The following LRRC8A variants were observed in gnomAD, a reference collection of about 807,000 sequenced individuals.
LRRC8A encodes the protein volume-regulated anion channel subunit LRRC8A.
A neutral mutation model predicts 52.5 loss-of-function variants in LRRC8A; 24 were observed. That is an observed-to-expected ratio of 0.46 (90% CI 0.33 to 0.64). The LOEUF is 0.64. Among genes scored for constraint, LRRC8A ranks in the 30% least tolerant of loss-of-function variants. The probability of loss-of-function intolerance (pLI) is 0.02; values close to 1 mark genes in which losing one functional copy is unlikely to be tolerated. For synonymous variants in LRRC8A, 492 were observed against 494.2 expected (o/e 1.00, Z 0.06); for missense variants, 677 against 1,094.7 (o/e 0.62, Z 5.38).
chr9:128,896,914 G>A (rs1369457613), intron 2 of LRRC8A, among the ~76,000 whole-genome samples: 1 of 151,930 alleles, frequency 6.6e-6, no homozygotes, highest in African/African-American at 2.4e-5. Flanking sequence ...AGTAGAGATG[G>A]GGTTTCAGCA....
In LRRC8A at chr9:128,916,637, G is replaced by C. The variant is rs1043030176; in HGVS notation, c.*266G>C. ...AAGAGCGCAGTATTTGGATAATCAG[G>C]GTCTCCTCCCTGGAGGCCAGCTCTG... is the stretch of plus-strand genomic sequence containing the variant. On this transcript the variant is annotated 3_prime_UTR_variant, in exon 4 of 4. Transcript: ENST00000372600. This position sits in a 1 kb window ranked among gnomAD's most constrained non-coding sequence, Gnocchi z 6.1. The C allele has an allele frequency of 2.2e-6, 1 of 447,030 alleles. No homozygotes were observed. The highest frequency in any genetic ancestry group is 4.0e-6 in the Non-Finnish European group (1 of 248,604). 27.7% of individuals were successfully genotyped at this position (447,030 alleles called of 1,614,324 possible).
Position 128,916,267 on chromosome 9 carries a change from C to T in LRRC8A, c.2329C>T (p.Pro777Ser), listed in dbSNP as rs1368883598. The change falls in exon 4 of 4, where the codon CCA becomes TCA. Residue 777 changes from proline (P) to serine (S), a missense_variant. Physicochemically the swap from Pro to Ser is moderately conservative, Grantham distance 74. Transcript: ENST00000372600. This position sits in a 1 kb window ranked among gnomAD's most constrained non-coding sequence, Gnocchi z 6.1. ...CCTGCCTGTGGAGCTGGGCGAGTGC[C>T]CACTGCTCAAGCGCAGCGGCTTGGT... is the stretch of plus-strand genomic sequence containing the variant. ...ECLPVELGEC[P>S]LLKRSGLVVE... 1.2e-6 allele frequency: 2 copies of T among 1,613,680 alleles called. No homozygotes were observed. The highest frequency in any genetic ancestry group is 1.7e-6 in the Non-Finnish European group (2 of 1,179,954).
At position 128,895,061 on chromosome 9, in the gene LRRC8A, T is replaced by C. The variant is rs572001619; in HGVS notation, c.-9+8940T>C. ...CTTCTGTTTTCTGTCTATTCACTTA[T>C]GTGAATAAGTGAAATCAAAGTATTT... On this transcript the variant is annotated intron_variant, in intron 2 of 3. Coordinates refer to ENST00000372600, the MANE Select transcript of LRRC8A (RefSeq NM_019594.4). Among the ~76,000 whole-genome samples the C allele has an allele frequency of 3.9e-5, 6 of 152,336 alleles. No individual in the cohort carries two copies. In the South Asian group the frequency reaches 1.0e-3, roughly 26 times the overall value.
Position 128,908,860 on chromosome 9 carries a change from G to A in LRRC8A, c.1696G>A (p.Gly566Ser). The A allele has an allele frequency of 1.2e-6, 2 of 1,613,774 alleles. No individual in the cohort carries two copies. The highest frequency in any genetic ancestry group is 1.7e-6 in the Non-Finnish European group (2 of 1,180,018). ...SKLPQVVTDV[G>S]VHLQKLSINN... ...GCTGCCACAGGTGGTCACAGATGTG[G>A]GCGTGCACCTGCAGAAGCTGTCCAT... The change falls in exon 3 of 4, where the codon GGC (glycine) becomes AGC (serine). Residue 566 changes from glycine to serine, a missense_variant. By Grantham distance (56) the Gly-to-Ser change is moderately conservative (BLOSUM62 0). Transcript: ENST00000372600.
intron 1 of LRRC8A, 80 bp downstream of exon 1, chr9:128,882,330 GGCCCGGGGC>G (rs950883644): frequency 6.9e-5 from 12 of 173,306 alleles, no homozygotes; most frequent in Admixed American, 2.5e-4. Flanking sequence ...CCAGCTGCCC[GGCCCGGGGC>G]GCCCGGGGCA....
At chr9:128,904,602 C>T (rs1033787790) in intron 2 of LRRC8A, among the ~76,000 whole-genome samples, 4 of 152,130 alleles carry the variant, frequency 2.6e-5, no homozygotes, top group Non-Finnish European at 4.4e-5. Context: ...AATGCCAACA[C>T]TTTGGGAGGC....
chr9:128,909,771 A>G (rs1196506672), intron 3 of LRRC8A, among the ~76,000 whole-genome samples: 1 of 152,204 alleles, frequency 6.6e-6, no homozygotes, highest in Non-Finnish European at 1.5e-5. Flanking sequence ...CTTGGAGGCA[A>G]GGAGCCAATC....
At chr9:128,898,485 G>T (rs576014223) in intron 2 of LRRC8A, among the ~76,000 whole-genome samples, 1 of 152,288 alleles carries the variant, frequency 6.6e-6, no homozygotes, top group African/African-American at 2.4e-5. Context: ...CTTAACTCTC[G>T]AATGCACTTT....
At chr9:128,915,984 G>C in intron 3 of LRRC8A, 112 bp from the exon 4 acceptor site, 2 of 1,304,784 alleles carry the variant, frequency 1.5e-6, no homozygotes, top group South Asian at 2.8e-5. Context: ...GATGCTGGGG[G>C]CCTGGGGATC....
intron 3 of LRRC8A, chr9:128,912,894 T>C (rs1588230307): frequency 6.6e-6 from 1 of 151,886 alleles, no homozygotes; most frequent in East Asian, 1.9e-4. Flanking sequence ...ATGGTGGGGG[T>C]GGTCTGAGTG....
In LRRC8A at chr9:128,901,807, G is replaced by A. The variant is rs1319367541; in HGVS notation, c.-8-5350G>A. Among the ~76,000 whole-genome samples, 6 of 152,256 alleles carry A rather than the reference G, an allele frequency of 3.9e-5. No homozygotes were observed. The South Asian group carries it at 8.3e-4, about 21-fold the overall frequency. The stretch of plus-strand genomic sequence containing the variant: ...GGGAGGGAGCCTGCCCCTGTAGGGG[G>A]CAGGCAGGTGGCTCTGACCACCCGG... On this transcript the variant is annotated intron_variant, in intron 2 of 3. Coordinates refer to ENST00000372600, the MANE Select transcript of LRRC8A (RefSeq NM_019594.4).
chr9:128,913,529 G>A (rs1418201986), intron 3 of LRRC8A, among the ~76,000 whole-genome samples: 3 of 152,066 alleles, frequency 2.0e-5, no homozygotes, highest in South Asian at 4.2e-4. Flanking sequence ...GGTGGGAGCC[G>A]AGCAACTGAG....
In LRRC8A at chr9:128,906,269, C is replaced by G. The variant is rs1186811433; in HGVS notation, c.-8-888C>G. Among the ~76,000 whole-genome samples, 3 of 150,376 alleles carry G rather than the reference C, an allele frequency of 2.0e-5. No homozygotes were observed. The Admixed American group carries it at 2.0e-4, about 10-fold the overall frequency. ...TCATCCTCCCAAAATGCTGGGATTA[C>G]AGGCTAGGATTACAGGCGTGAGCCA... is the stretch of plus-strand genomic sequence containing the variant. On this transcript the variant is annotated intron_variant, in intron 2 of 3. Coordinates refer to ENST00000372600, the MANE Select transcript of LRRC8A (RefSeq NM_019594.4).
rs147093925 is a variant in LRRC8A at position 128,882,193 on chromosome 9, G to C, written c.-173G>C. ...CGGAGCAGCGCTGCGGCCGGCGGCG[G>C]GACGGAGCGGCCGGGGCCTGGGGCT... On this transcript the variant is annotated 5_prime_UTR_variant, in exon 1 of 4. Transcript: ENST00000372600. 6.5e-6 allele frequency: 1 copy of C among 153,076 alleles called. No homozygotes were observed. The highest frequency in any genetic ancestry group is 1.5e-5 in the Non-Finnish European group (1 of 68,554). The allele number at this position is 153,076 out of a possible 1,614,324, so 9.5% of individuals were successfully genotyped here. A position where few individuals can be genotyped will look rare whatever the true frequency, so the allele number is the denominator to read the frequency against.
In LRRC8A at chr9:128,899,487, G is replaced by C. The variant is rs915319304; in HGVS notation, c.-8-7670G>C. On this transcript the variant is annotated intron_variant, in intron 2 of 3. Coordinates refer to ENST00000372600, the MANE Select transcript of LRRC8A (RefSeq NM_019594.4). The surrounding 1 kb of genome is among the most constrained non-coding windows in gnomAD (Gnocchi z 4.0). ...TTGAACGCCACCTCTGTCACTTATA[G>C]GCGGTATGAAGTTGGGCAGAAGACT... Among the ~76,000 whole-genome samples, 2 of 152,018 alleles carry C rather than the reference G, an allele frequency of 1.3e-5. No homozygotes were observed. The highest frequency in any genetic ancestry group is 2.9e-5 in the Non-Finnish European group (2 of 68,010).
In LRRC8A at chr9:128,883,263, G is replaced by A. The variant is rs528077040; in HGVS notation, c.-116+1013G>A. ...TGGTAAGAGGAAGGGAACTGGGGGAGCCCGAAGTTCCCAAGGACCTCTTCC... is the reference window on the plus strand; with the variant it reads ...TGGTAAGAGGAAGGGAACTGGGGGAACCCGAAGTTCCCAAGGACCTCTTCC... On this transcript the variant is annotated intron_variant, in intron 1 of 3. Transcript: ENST00000372600. 6.6e-5 allele frequency among the ~76,000 whole-genome samples: 10 copies of A among 152,334 alleles called. No individual in the cohort carries two copies. In the South Asian group the frequency reaches 1.5e-3, roughly 22 times the overall value.
chr9:128,903,079 T>C (rs568176188), intron 2 of LRRC8A, among the ~76,000 whole-genome samples: 1 of 152,286 alleles, frequency 6.6e-6, no homozygotes, highest in African/African-American at 2.4e-5. Flanking sequence ...GGTTTGTTCT[T>C]ACTCTACTCT....
At chr9:128,882,971 G>T (rs1839162516) in intron 1 of LRRC8A, 1 of 394,554 alleles carries the variant, frequency 2.5e-6, no homozygotes, top group African/African-American at 2.1e-5. Flanking sequence ...GGGTCATGGA[G>T]TTCATGATGA....
rs770091691 is a variant in LRRC8A, at chr9:128,908,558, T to C, written c.1394T>C (p.Ile465Thr). The C allele has an allele frequency of 3.7e-6, 6 of 1,612,692 alleles. No individual in the cohort carries two copies. Among genetic ancestry groups the C allele is most frequent in the South Asian group, 1.1e-5 (1 of 91,072 alleles). The change falls in exon 3 of 4, where the codon ATT (isoleucine) becomes ACT (threonine). Residue 465 changes from isoleucine to threonine, a missense_variant. This residue lies in a region of LRRC8A where 422 missense variants were observed against 741.5 expected (regional missense o/e 0.57). Coordinates refer to ENST00000372600, the MANE Select transcript of LRRC8A (RefSeq NM_019594.4). The stretch of plus-strand genomic sequence containing the variant: ...CCCGACGTGACCATCCCGCCCAGCA[T>C]TGCCCAGCTCACGGGCCTCAAGGAG... Reference protein sequence around the residue: ...LIPDVTIPPSIAQLTGLKELW... With the variant: ...LIPDVTIPPSTAQLTGLKELW...
Sources: gnomAD v4.1 joint callset for allele counts (sites outside exome capture counted in the v4.1 genomes callset) on GRCh38, gnomAD v4.1.1 for gene constraint, gnomAD v4.1.1 regional missense constraint, Gnocchi (gnomAD v3.1) non-coding constraint, MANE v1.5 for transcripts, NCBI Gene and HGNC (gene_info 2026-07-23, HGNC 2026-07-21) for gene names.